The following ADAMTSL2 variants were observed in gnomAD, a reference collection of about 807,000 sequenced individuals.
The protein encoded by ADAMTSL2 is ADAMTS-like protein 2.
In ADAMTSL2, 55 loss-of-function variants were observed where a neutral mutation model predicts 117.0. The ratio of observed to expected loss-of-function variants is 0.47; its 90% CI spans 0.38 to 0.59. ADAMTSL2 has a LOEUF of 0.59. ADAMTSL2 is among the 20% of genes least tolerant of loss of function. ADAMTSL2 has a pLI of 0.00. For missense variants in ADAMTSL2, 1,182 were observed against 1,354.5 expected (o/e 0.87, Z 2.00); for synonymous variants, 572 against 566.4 (o/e 1.01, Z -0.14).
chr9:133,570,194 A>T, intron 16 of ADAMTSL2, 137 bp from the exon 17 acceptor site: 1 of 957,530 alleles, frequency 1.0e-6, no homozygotes, highest in Non-Finnish European at 1.5e-6. Context: ...AAGAGTTTCC[A>T]GCCAGTTTGT....
intron 8 of ADAMTSL2, 33 bp from the exon 9 acceptor site, chr9:133,547,005 G>C (rs940783919): frequency 1.9e-6 from 3 of 1,611,662 alleles, no homozygotes; most frequent in Non-Finnish European, 2.5e-6. Flanking sequence ...CAGCCAGTTT[G>C]GCCTTTTGTG....
In ADAMTSL2 at chr9:133,544,567, T is replaced by C. The variant is rs1195996097; in HGVS notation, c.763+17T>C. The C allele has an allele frequency of 6.2e-7, 1 of 1,608,782 alleles. No homozygotes were observed. On this transcript the variant is annotated intron_variant, in intron 8 of 18. Transcript: ENST00000651351. ...ACGTGCTAGGTGGGTACGCAGTGTCTGGCAGCTGCCTCACTGAGCTTTTGG... is the reference window on the plus strand; with the variant it reads ...ACGTGCTAGGTGGGTACGCAGTGTCCGGCAGCTGCCTCACTGAGCTTTTGG...
intron 9 of ADAMTSL2, among the ~76,000 whole-genome samples, chr9:133,553,835 C>T (rs960383443): frequency 2.6e-5 from 4 of 152,320 alleles, no homozygotes; most frequent in Admixed American, 2.6e-4. Flanking sequence ...TCAGCCCATC[C>T]CACAGGGAGC....
intron 12 of ADAMTSL2, among the ~76,000 whole-genome samples, chr9:133,562,437 C>T (rs1212797177): frequency 6.8e-6 from 1 of 146,304 alleles, no homozygotes; most frequent in Non-Finnish European, 1.5e-5. Flanking sequence ...GTGGCGGGCA[C>T]CCGGCTCGGC....
At chr9:133,543,481 C>T (rs1830273367) in intron 7 of ADAMTSL2, among the ~76,000 whole-genome samples, 1 of 152,366 alleles carries the variant, frequency 6.6e-6, no homozygotes, top group Admixed American at 6.5e-5. Flanking sequence ...TGCTACAAGT[C>T]ACAGCTCCTG....
chr9:133,570,262 GCCGTGGGC>G (rs1357988584), intron 16 of ADAMTSL2, 61 bp from the exon 17 acceptor site: 2 of 1,510,756 alleles, frequency 1.3e-6, no homozygotes, highest in Admixed American at 4.0e-5. Context: ...CACCAGAGTC[GCCGTGGGC>G]CCTGTGTGTA....
intron 10 of ADAMTSL2, among the ~76,000 whole-genome samples, chr9:133,555,266 C>T (rs112902235): frequency 6.7e-6 from 1 of 149,374 alleles, no homozygotes; most frequent in African/African-American, 2.5e-5. Flanking sequence ...GACCCTATTT[C>T]CAAAGAAGAT....
chr9:133,572,312 GT>G (rs1831127065), intron 17 of ADAMTSL2, among the ~76,000 whole-genome samples: 1 of 152,186 alleles, frequency 6.6e-6, no homozygotes, highest in South Asian at 2.1e-4. Flanking sequence ...AAGGCTGAGG[GT>G]GGGCCTGGGG....
At chr9:133,540,492 C>T (rs1830190606) in intron 5 of ADAMTSL2, 106 bp from the exon 6 acceptor site, 2 of 1,471,610 alleles carry the variant, frequency 1.4e-6, no homozygotes, top group Non-Finnish European at 9.2e-7. Context: ...CCTGAGTTGC[C>T]CCATCTATGC....
In ADAMTSL2 at chr9:133,534,799, G is replaced by A. The variant is rs1830009778; in HGVS notation, c.-269G>A. On this transcript the variant is annotated 5_prime_UTR_variant, in exon 1 of 19. Coordinates refer to ENST00000651351, the MANE Select transcript of ADAMTSL2 (RefSeq NM_014694.4). ...GGGGAGGAGGGGAAGGGGAGAGGGA[G>A]GCCGGGCCGCAGCCTCTGCACTCAC... The A allele has an allele frequency of 6.1e-6, 9 of 1,485,432 alleles. No homozygotes were observed. The East Asian group carries it at 2.0e-4, about 33-fold the overall frequency. The allele number at this position is 1,485,432 out of a possible 1,614,324, so 92.0% of individuals were successfully genotyped here. A position where few individuals can be genotyped will look rare whatever the true frequency, so the allele number is the denominator to read the frequency against.
At chr9:133,545,215 G>C (rs1027500225) in intron 8 of ADAMTSL2, among the ~76,000 whole-genome samples, 37 of 152,154 alleles carry the variant, frequency 2.4e-4, no homozygotes, top group Non-Finnish European at 5.0e-4. Context: ...GGCCACAGTG[G>C]GCAGGTGCTG....
At chr9:133,559,020 G>A (rs1830668697) in intron 11 of ADAMTSL2, among the ~76,000 whole-genome samples, 1 of 152,200 alleles carries the variant, frequency 6.6e-6, no homozygotes, top group African/African-American at 2.4e-5. Flanking sequence ...CATGAGTCAT[G>A]CTGCCTGCTG....
At chr9:133,556,866 C>T (rs1489256887) in intron 11 of ADAMTSL2, among the ~76,000 whole-genome samples, 4 of 152,338 alleles carry the variant, frequency 2.6e-5, no homozygotes, top group East Asian at 1.9e-4. Context: ...TGACAAGCCC[C>T]GCCTGCCCCC....
chr9:133,551,735 A>G (rs1193918520), intron 9 of ADAMTSL2, among the ~76,000 whole-genome samples: 2 of 149,786 alleles, frequency 1.3e-5, no homozygotes, highest in African/African-American at 4.9e-5. Flanking sequence ...CATACGGCCC[A>G]TGTGGCGGGC....
chr9:133,564,192 G>GAGGGAGAC (rs1830855695), intron 12 of ADAMTSL2, among the ~76,000 whole-genome samples: 1 of 85,114 alleles, frequency 1.2e-5, no homozygotes. Flanking sequence ...GGGAGAGAGA[G>GAGGGAGAC]AGAGAGGGAG....
chr9:133,567,094 T>C (rs1830991692), intron 13 of ADAMTSL2, 32 bp downstream of exon 13: 2 of 1,589,460 alleles, frequency 1.3e-6, no homozygotes, highest in African/African-American at 1.3e-5. Context: ...GGGCAGGGGG[T>C]CGGCAGGGGG....
Position 133,554,438 on chromosome 9 carries a change from C to A in ADAMTSL2, c.1021C>A (p.Pro341Thr). The A allele has an allele frequency of 6.4e-7, 1 of 1,563,582 alleles. No homozygotes were observed. Among genetic ancestry groups the A allele is most frequent in the Non-Finnish European group, 8.7e-7 (1 of 1,154,272 alleles). Residue 341 changes from proline to threonine, a missense_variant, in exon 10 of 19, where the codon CCC becomes ACC. Pro to Thr is a conservative substitution (Grantham distance 38). Transcript: ENST00000651351. The surrounding 1 kb of genome is among the most constrained non-coding windows in gnomAD (Gnocchi z 5.2). ...LQPPHESRPQ[P>T]IYYGFSESAE... The stretch of plus-strand genomic sequence containing the variant: ...GCCGCCACACGAGAGCCGCCCCCAG[C>A]CCATCTACTATGGCTTCTCCGAGAG...
chr9:133,534,621 G>T (rs1830003928), upstream of ADAMTSL2: 9 of 1,276,306 alleles, frequency 7.1e-6, no homozygotes, highest in African/African-American at 1.6e-5. Flanking sequence ...CGGCGCGGGC[G>T]GGGGAGCGGC....
intron 9 of ADAMTSL2, among the ~76,000 whole-genome samples, chr9:133,553,119 G>A (rs1391328298): frequency 2.0e-5 from 3 of 152,204 alleles, no homozygotes; most frequent in Non-Finnish European, 4.4e-5. Context: ...TCTCTGTGTC[G>A]TCTTCAGGCA....
Sources: gnomAD v4.1 joint callset for allele counts (sites outside exome capture counted in the v4.1 genomes callset) on GRCh38, gnomAD v4.1.1 for gene constraint, Gnocchi (gnomAD v3.1) non-coding constraint, MANE v1.5 for transcripts, NCBI Gene and HGNC (gene_info 2026-07-23, HGNC 2026-07-21) for gene names.